P3H2: variants seen among roughly 807,000 people sequenced by gnomAD.
P3H2 encodes the protein leprecan-like 1.
In P3H2, 80 loss-of-function variants were observed where a neutral mutation model predicts 87.0. The observed-to-expected ratio is 0.92, with a 90% confidence interval of 0.77 to 1.11. P3H2 has a LOEUF of 1.11. P3H2 is among the 50% of genes least tolerant of loss of function. The pLI is 0.00. For synonymous variants in P3H2, 367 were observed against 359.3 expected, an observed-to-expected ratio of 1.02 and a Z score of -0.24; for missense variants, 1,001 against 923.9, an observed-to-expected ratio of 1.08 and a Z score of -1.08.
chr3:190,115,373 A>C (rs1310727858), intron 1 of P3H2, among the ~76,000 whole-genome samples: 1 of 151,866 alleles, frequency 6.6e-6, no homozygotes, highest in Non-Finnish European at 1.5e-5. Context: ...TAGAAAAATG[A>C]ATAAATAAAC....
chr3:189,990,949 A>C (rs1167577185), intron 3 of P3H2, among the ~76,000 whole-genome samples: 1 of 152,172 alleles, frequency 6.6e-6, no homozygotes, highest in Non-Finnish European at 1.5e-5. Context: ...TCGTCGGTCC[A>C]TTTTCCTAAA....
intron 1 of P3H2, among the ~76,000 whole-genome samples, chr3:190,107,838 A>C (rs961809263): frequency 1.3e-5 from 2 of 152,222 alleles, no homozygotes; most frequent in Admixed American, 1.3e-4. Context: ...ATGATTAGTC[A>C]AATTTATTCT....
Position 189,986,871 on chromosome 3 carries a change from T to A in P3H2, c.1105A>T (p.Thr369Ser). Residue 369 changes from threonine to serine, a missense_variant, in exon 6 of 15, where the codon ACA becomes TCA. Thr to Ser is a moderately conservative substitution (Grantham distance 58). Coordinates refer to ENST00000319332, the MANE Select transcript of P3H2 (RefSeq NM_018192.4). Reference sequence around the variant, plus strand: ...AGCTTATGACGTTTCACAAACATTGTTAAATCCTAGAGAAAAAGAAGTAAA... The same window carrying A: ...AGCTTATGACGTTTCACAAACATTGATAAATCCTAGAGAAAAAGAAGTAAA... ...PASIEAREDL[T>S]MFVKRHKLES... The A allele has an allele frequency of 6.2e-7, 1 of 1,607,608 alleles. No homozygotes were observed. The highest frequency in any genetic ancestry group is 1.3e-5 in the African/African-American group (1 of 74,920).
At chr3:190,061,375 T>C (rs1726326769) in intron 1 of P3H2, among the ~76,000 whole-genome samples, 1 of 152,058 alleles carries the variant, frequency 6.6e-6, no homozygotes, top group Admixed American at 6.6e-5. Flanking sequence ...GTGGATTTTA[T>C]TTAGTGCAAT....
intron 1 of P3H2, among the ~76,000 whole-genome samples, chr3:190,041,031 T>TACAC (rs1725593189): frequency 3.9e-5 from 2 of 51,686 alleles, no homozygotes; most frequent in African/African-American, 1.3e-4. Context: ...TATATATATA[T>TACAC]ATATATACAC....
intron 13 of P3H2, chr3:189,969,992 G>T: frequency 1.7e-6 from 1 of 596,648 alleles, no homozygotes; most frequent in South Asian, 2.0e-5. Context: ...AAGACCAAAG[G>T]ATGCTAACTA....
At chr3:190,067,880 C>A (rs1236825147) in intron 1 of P3H2, among the ~76,000 whole-genome samples, 1 of 151,588 alleles carries the variant, frequency 6.6e-6, no homozygotes, top group African/African-American at 2.4e-5. Flanking sequence ...ATCAGCATCT[C>A]AATATTTAAG....
At chr3:190,012,055 G>A (rs775037232) in intron 1 of P3H2, among the ~76,000 whole-genome samples, 2 of 152,160 alleles carry the variant, frequency 1.3e-5, no homozygotes, top group Admixed American at 1.3e-4. Context: ...AGCAAAGGTA[G>A]AGCTTAGTCA....
intron 1 of P3H2, among the ~76,000 whole-genome samples, chr3:190,057,734 T>G: frequency 6.6e-6 from 1 of 152,180 alleles, no homozygotes; most frequent in Non-Finnish European, 1.5e-5. Context: ...CATCTATATT[T>G]CAATAAAAAC....
chr3:190,013,836 ATCACT>A (rs1724669916), intron 1 of P3H2, among the ~76,000 whole-genome samples: 1 of 152,242 alleles, frequency 6.6e-6, no homozygotes, highest in Non-Finnish European at 1.5e-5. Context: ...TAATTAAATC[ATCACT>A]TCATCATTTC....
At chr3:190,067,456 A>G (rs1168913314) in intron 1 of P3H2, among the ~76,000 whole-genome samples, 1 of 152,146 alleles carries the variant, frequency 6.6e-6, no homozygotes, top group Non-Finnish European at 1.5e-5. Context: ...CAAACAAAAT[A>G]AAAACAAAGA....
chr3:190,032,469 A>G (rs886608076), intron 1 of P3H2, among the ~76,000 whole-genome samples: 1 of 152,176 alleles, frequency 6.6e-6, no homozygotes, highest in Non-Finnish European at 1.5e-5. Context: ...GTAACATCAC[A>G]AAAAGAAGGA....
chr3:190,094,682 G>GA (rs1386131212), intron 1 of P3H2, among the ~76,000 whole-genome samples: 1 of 152,158 alleles, frequency 6.6e-6, no homozygotes, highest in African/African-American at 2.4e-5. Context: ...CCCAAAACAG[G>GA]AAGTGATAAA....
intron 1 of P3H2, among the ~76,000 whole-genome samples, chr3:190,022,166 A>G (rs1724943534): frequency 7.4e-6 from 1 of 135,510 alleles, no homozygotes; most frequent in Non-Finnish European, 1.7e-5. Context: ...TATTTTTCTT[A>G]TAGTAAACAT....
intron 8 of P3H2, among the ~76,000 whole-genome samples, chr3:189,981,844 G>A (rs2108915107): frequency 6.6e-6 from 1 of 152,276 alleles, no homozygotes; most frequent in South Asian, 2.1e-4. Flanking sequence ...GAAGCTCTCT[G>A]GCATTTGTAA....
At chr3:190,066,539 A>T (rs548872028) in intron 1 of P3H2, among the ~76,000 whole-genome samples, 4 of 152,248 alleles carry the variant, frequency 2.6e-5, no homozygotes, top group African/African-American at 9.6e-5. Flanking sequence ...GGTTCAGTGT[A>T]TACTGCTCAG....
At chr3:190,115,481 G>A (rs1166913082) in intron 1 of P3H2, among the ~76,000 whole-genome samples, 1 of 149,576 alleles carries the variant, frequency 6.7e-6, no homozygotes, top group Non-Finnish European at 1.5e-5. Context: ...AAAGGACACA[G>A]ATAAGAAAGA....
intron 13 of P3H2, among the ~76,000 whole-genome samples, chr3:189,967,508 T>TAAA: frequency 6.7e-6 from 1 of 149,672 alleles, no homozygotes; most frequent in African/African-American, 2.5e-5. Context: ...TGACTTTCTT[T>TAAA]GAAACTGCGA....
At chr3:190,104,949 A>C (rs1175916285) in intron 1 of P3H2, among the ~76,000 whole-genome samples, 1 of 152,192 alleles carries the variant, frequency 6.6e-6, no homozygotes, top group Admixed American at 6.5e-5. Flanking sequence ...TATAGGGAGT[A>C]GGCTGGCAAC....
Sources: gnomAD v4.1 joint callset for allele counts (sites outside exome capture counted in the v4.1 genomes callset) on GRCh38, gnomAD v4.1.1 for gene constraint, MANE v1.5 for transcripts, NCBI Gene and HGNC (gene_info 2026-07-23, HGNC 2026-07-21) for gene names.